TGFB1: variants seen among roughly 807,000 people sequenced by gnomAD.
TGFB1 encodes the protein transforming growth factor beta 1.
TGFB1 carries 19 observed loss-of-function variants against 43.8 expected under a neutral mutation model. That is an observed-to-expected ratio of 0.43 (90% CI 0.30 to 0.64). The LOEUF is 0.64. Ranked by LOEUF, TGFB1 falls within the 30% of genes least tolerant of loss-of-function variation. The pLI is 0.11. For missense variants in TGFB1, 445 were observed against 529.8 expected (o/e 0.84, Z 1.57); for synonymous variants, 221 against 236.3 (o/e 0.94, Z 0.60).
intron 5 of TGFB1, among the ~76,000 whole-genome samples, chr19:41,337,361 G>C (rs1366981797): frequency 1.3e-5 from 2 of 151,958 alleles, no homozygotes; most frequent in Admixed American, 1.3e-4. Context: ...GACTGGTCTC[G>C]AACTCCTGAC....
chr19:41,349,778 C>T (rs907021615), intron 1 of TGFB1, among the ~76,000 whole-genome samples: 7 of 151,894 alleles, frequency 4.6e-5, no homozygotes, highest in Non-Finnish European at 8.8e-5. Context: ...CAACAAAAAA[C>T]CACAAAACAG....
At chr19:41,337,610 ATCTC>A (rs149030280) in intron 5 of TGFB1, among the ~76,000 whole-genome samples, 1 of 150,838 alleles carries the variant, frequency 6.6e-6, no homozygotes, top group African/African-American at 2.4e-5. Context: ...CTACAAAATC[ATCTC>A]TCTCTCTCTC....
At chr19:41,346,447 G>C (rs2038117109) in intron 2 of TGFB1, among the ~76,000 whole-genome samples, 1 of 152,186 alleles carries the variant, frequency 6.6e-6, no homozygotes. Flanking sequence ...AAGAAGCCAA[G>C]CTAACATAGG....
In TGFB1 at chr19:41,353,711, G is replaced by A; in HGVS notation, c.-667C>T. The A allele has an allele frequency of 6.5e-6, 1 of 153,946 alleles. No individual in the cohort carries two copies. Among genetic ancestry groups the A allele is most frequent in the Non-Finnish European group, 1.4e-5 (1 of 69,628 alleles). The allele number at this position is 153,946 out of a possible 1,614,324, so 9.5% of individuals were successfully genotyped here. On this transcript the variant is annotated 5_prime_UTR_variant, in exon 1 of 7. Transcript: ENST00000221930. This position sits in a 1 kb window ranked among gnomAD's most constrained non-coding sequence, Gnocchi z 5.9. ...TCCTCCCCGCAGTGGCGGGGGCGGC[G>A]GCGGCTCGTCTCAGACTCTGGGGCC... is the stretch of plus-strand genomic sequence containing the variant.
intron 5 of TGFB1, among the ~76,000 whole-genome samples, chr19:41,339,463 C>A (rs1599886595): frequency 6.6e-6 from 1 of 151,828 alleles, no homozygotes; most frequent in East Asian, 2.0e-4. Context: ...AACATTGGGT[C>A]CCTCCCTACG....
chr19:41,331,700 C>T (rs912463696), intron 6 of TGFB1, among the ~76,000 whole-genome samples: 1 of 151,218 alleles, frequency 6.6e-6, no homozygotes. Flanking sequence ...CATCGTGAGC[C>T]GCCGCGCCCG....
rs1432970808 is a variant in TGFB1 at position 41,331,028 on chromosome 19, G to T, written c.*24C>A. 10 of 1,497,372 alleles carry T rather than the reference G, an allele frequency of 6.7e-6. No individual in the cohort carries two copies. The highest frequency in any genetic ancestry group is 2.6e-5 in the East Asian group (1 of 39,048). 92.8% of individuals were successfully genotyped at this position (1,497,372 alleles called of 1,614,324 possible). ...GGCGGGGTGGGGCCGGGCCTGCCGG[G>T]GCGGGGCGGGGCGGGGCGGGACCTC... On this transcript the variant is annotated 3_prime_UTR_variant, in exon 7 of 7. Coordinates refer to ENST00000221930, the MANE Select transcript of TGFB1 (RefSeq NM_000660.7).
In TGFB1 at chr19:41,331,107, T is replaced by C; in HGVS notation, c.1118A>G (p.Lys373Arg). 1 of 1,590,096 alleles carries C rather than the reference T, an allele frequency of 6.3e-7. No individual in the cohort carries two copies. The highest frequency in any genetic ancestry group is 2.3e-5 in the East Asian group (1 of 43,956). Reference protein sequence around the residue: ...PLPIVYYVGRKPKVEQLSNMI... With the variant: ...PLPIVYYVGRRPKVEQLSNMI... ...GTTGGACAGCTGCTCCACCTTGGGC[T>C]TGCGGCCCACGTAGTACACGATGGG... Residue 373 changes from lysine to arginine, a missense_variant, in exon 7 of 7, where the codon AAG (lysine) becomes AGG (arginine). By Grantham distance (26) the Lys-to-Arg change is conservative (BLOSUM62 2). Around this residue, in one of 3 missense-constraint regions of TGFB1, gnomAD observed 56 missense variants for 46.9 expected, o/e 1.19. Transcript: ENST00000221930.
chr19:41,337,404 G>A (rs949982292), intron 5 of TGFB1, among the ~76,000 whole-genome samples: 1 of 152,138 alleles, frequency 6.6e-6, no homozygotes, highest in Admixed American at 6.6e-5. Context: ...GCCTCCCAAA[G>A]TGCTGGGATT....
chr19:41,346,159 T>C (rs534418666), intron 2 of TGFB1, among the ~76,000 whole-genome samples: 6 of 152,158 alleles, frequency 3.9e-5, no homozygotes, highest in Non-Finnish European at 8.8e-5. Context: ...GAGACCAGCC[T>C]GACCAATATG....
chr19:41,344,893 CA>C (rs1568478785), intron 2 of TGFB1, 29 bp from the exon 3 acceptor site: 1 of 1,549,420 alleles, frequency 6.5e-7, no homozygotes, highest in Non-Finnish European at 8.8e-7. Flanking sequence ...AGGAGAGAGA[CA>C]GTGGGTAGAT....
intron 6 of TGFB1, 22 bp from the exon 7 acceptor site, chr19:41,331,232 A>G (rs2037927081): frequency 1.3e-6 from 2 of 1,491,372 alleles, no homozygotes; most frequent in Non-Finnish European, 1.8e-6. Flanking sequence ...GGGCGGGGTC[A>G]GGGCTCAGGG....
At chr19:41,347,909 G>A (rs911312732) in intron 2 of TGFB1, among the ~76,000 whole-genome samples, 3 of 151,112 alleles carry the variant, frequency 2.0e-5, no homozygotes, top group Non-Finnish European at 4.4e-5. Flanking sequence ...CGAGGCAGGT[G>A]GATCACGAGG....
chr19:41,342,351 C>T, intron 3 of TGFB1, 104 bp from the exon 4 acceptor site: 3 of 1,022,048 alleles, frequency 2.9e-6, no homozygotes, highest in Non-Finnish European at 4.5e-6. Context: ...TTCCTGCCTC[C>T]CCCACCCACC....
chr19:41,342,119 C>T, intron 4 of TGFB1, 51 bp downstream of exon 4: 2 of 1,611,570 alleles, frequency 1.2e-6, no homozygotes, highest in Non-Finnish European at 1.7e-6. Context: ...GATGGGAACA[C>T]ACACACGCAC....
At chr19:41,343,065 C>A (rs1306889804) in intron 3 of TGFB1, among the ~76,000 whole-genome samples, 1 of 152,162 alleles carries the variant, frequency 6.6e-6, no homozygotes, top group Non-Finnish European at 1.5e-5. Context: ...TCCTTCTAGG[C>A]CTTTGTCGAA....
intron 5 of TGFB1, among the ~76,000 whole-genome samples, chr19:41,333,457 C>T (rs928857288): frequency 6.6e-6 from 1 of 152,076 alleles, no homozygotes; most frequent in Admixed American, 6.6e-5. Context: ...TTGTGATCCG[C>T]CCACCTCAGC....
intron 5 of TGFB1, among the ~76,000 whole-genome samples, chr19:41,339,751 G>A (rs1405674602): frequency 6.6e-6 from 1 of 152,150 alleles, no homozygotes; most frequent in African/African-American, 2.4e-5. Flanking sequence ...TTGAACCTGG[G>A]AGGCGGAGGT....
intron 3 of TGFB1, among the ~76,000 whole-genome samples, chr19:41,344,130 G>A (rs1008023843): frequency 9.9e-5 from 15 of 151,894 alleles, no homozygotes; most frequent in South Asian, 2.1e-4. Flanking sequence ...CTACAGGCAC[G>A]TAACAGCATG....
Sources: allele counts gnomAD v4.1 joint callset (sites outside exome capture counted in the v4.1 genomes callset), GRCh38; gene constraint gnomAD v4.1.1; regional missense constraint gnomAD v4.1.1; non-coding constraint Gnocchi (gnomAD v3.1); transcripts MANE v1.5; gene names NCBI Gene and HGNC (gene_info 2026-07-23, HGNC 2026-07-21).